The following CSNK2A2IP variants were observed in gnomAD, a reference collection of about 807,000 sequenced individuals.
CSNK2A2IP encodes casein kinase II subunit alpha'-interacting protein.
the CSNK2A2IP span, among the ~76,000 whole-genome samples, chr3:88,388,484 A>G: frequency 2.0e-5 from 3 of 152,238 alleles, no homozygotes; most frequent in Non-Finnish European, 4.4e-5. Flanking sequence ...TAAGTCAATT[A>G]AAAAGGTCAA....
At chr3:88,394,578 T>G in the CSNK2A2IP span, among the ~76,000 whole-genome samples, 3 of 152,216 alleles carry the variant, frequency 2.0e-5, no homozygotes, top group Non-Finnish European at 4.4e-5. Flanking sequence ...TTCACCATTT[T>G]GGCTAGGCTG....
chr3:88,428,298 AGGCTCATAGGTTGAAG>A, the CSNK2A2IP span, among the ~76,000 whole-genome samples: 1 of 152,202 alleles, frequency 6.6e-6, no homozygotes. Context: ...TTGATTTTAC[AGGCTCATAGGTTGAAG>A]GGACTTGCCT....
chr3:88,423,599 T>C, the CSNK2A2IP span, among the ~76,000 whole-genome samples: 1 of 152,068 alleles, frequency 6.6e-6, no homozygotes, highest in African/African-American at 2.4e-5. Context: ...GAGGCACTAA[T>C]ATGTGAAGAA....
At chr3:88,410,676 T>A in the CSNK2A2IP span, among the ~76,000 whole-genome samples, 2 of 152,176 alleles carry the variant, frequency 1.3e-5, no homozygotes, top group South Asian at 4.1e-4. Flanking sequence ...CTCATTATTG[T>A]AACATGAAAT....
At chr3:88,444,269 A>C in the CSNK2A2IP span, among the ~76,000 whole-genome samples, 1 of 152,150 alleles carries the variant, frequency 6.6e-6, no homozygotes, top group Non-Finnish European at 1.5e-5. Context: ...TACAAAAATT[A>C]CATTTATCTT....
the CSNK2A2IP span, among the ~76,000 whole-genome samples, chr3:88,348,517 G>A: frequency 6.6e-6 from 1 of 152,022 alleles, no homozygotes; most frequent in South Asian, 2.1e-4. Context: ...TCTAAGTTAA[G>A]TGAAACATAT....
the CSNK2A2IP span, among the ~76,000 whole-genome samples, chr3:88,464,709 G>GTT: frequency 1.8e-4 from 27 of 151,236 alleles, no homozygotes; most frequent in African/African-American, 6.5e-4. Flanking sequence ...TTTTCTCTGA[G>GTT]TTTTTTTTTA....
chr3:88,389,191 TA>T, the CSNK2A2IP span, among the ~76,000 whole-genome samples: 1 of 151,442 alleles, frequency 6.6e-6, no homozygotes, highest in East Asian at 1.9e-4. Context: ...CAATTTAAAA[TA>T]GGGGGTTCAG....
the CSNK2A2IP span, among the ~76,000 whole-genome samples, chr3:88,420,684 C>T: frequency 6.6e-6 from 1 of 152,090 alleles, no homozygotes; most frequent in East Asian, 1.9e-4. Flanking sequence ...GTTCAATCAA[C>T]ATTCAAATTA....
At chr3:88,381,353 A>G in the CSNK2A2IP span, among the ~76,000 whole-genome samples, 25 of 152,196 alleles carry the variant, frequency 1.6e-4, no homozygotes, top group Non-Finnish European at 2.5e-4. Context: ...ATGATTCTCA[A>G]TGGTATTGGT....
the CSNK2A2IP span, among the ~76,000 whole-genome samples, chr3:88,445,424 C>A: frequency 6.6e-6 from 1 of 151,896 alleles, no homozygotes; most frequent in East Asian, 1.9e-4. Flanking sequence ...GCCCAGGCGA[C>A]AAAACGAAAC....
the CSNK2A2IP span, among the ~76,000 whole-genome samples, chr3:88,344,684 T>C: frequency 6.6e-6 from 1 of 151,928 alleles, no homozygotes; most frequent in Admixed American, 6.6e-5. Flanking sequence ...AAGATCTCTG[T>C]TTAGAACTAC....
the CSNK2A2IP span, among the ~76,000 whole-genome samples, chr3:88,427,120 T>G: frequency 6.6e-6 from 1 of 152,154 alleles, no homozygotes; most frequent in South Asian, 2.1e-4. Context: ...AAAATGCTGA[T>G]AGTGATATGG....
chr3:88,451,076 G>T, the CSNK2A2IP span, among the ~76,000 whole-genome samples: 1 of 152,028 alleles, frequency 6.6e-6, no homozygotes, highest in South Asian at 2.1e-4. Flanking sequence ...ATCAAAGAAG[G>T]TTTTTGAAAA....
At chr3:88,409,661 C>T in the CSNK2A2IP span, among the ~76,000 whole-genome samples, 1 of 151,968 alleles carries the variant, frequency 6.6e-6, no homozygotes, top group Non-Finnish European at 1.5e-5. Context: ...CACACATGCA[C>T]AGTACTATTT....
chr3:88,461,939 A>G, the CSNK2A2IP span, among the ~76,000 whole-genome samples: 1 of 151,906 alleles, frequency 6.6e-6, no homozygotes, highest in East Asian at 1.9e-4. Context: ...GGATTTTGCC[A>G]CATTGCCCAG....
chr3:88,467,016 A>G, the CSNK2A2IP span: 1 of 1,190,736 alleles, frequency 8.4e-7, no homozygotes, highest in Non-Finnish European at 1.1e-6. Flanking sequence ...TTGAAGGAGT[A>G]GAGAAGATAC....
the CSNK2A2IP span, chr3:88,382,647 T>C: frequency 6.6e-6 from 1 of 152,160 alleles, no homozygotes; most frequent in East Asian, 1.9e-4. Context: ...AACCCATAGC[T>C]GGTTGGAAGC....
the CSNK2A2IP span, among the ~76,000 whole-genome samples, chr3:88,447,299 T>A: frequency 6.6e-6 from 1 of 152,118 alleles, no homozygotes; most frequent in Non-Finnish European, 1.5e-5. Context: ...AAGAAATAAA[T>A]GTTACAAATA....
Sources: allele counts gnomAD v4.1 joint callset (sites outside exome capture counted in the v4.1 genomes callset), GRCh38; gene constraint gnomAD v4.1.1; transcripts MANE v1.5; gene names NCBI Gene and HGNC (gene_info 2026-07-23, HGNC 2026-07-21).